The following HDAC11 variants were observed in gnomAD, a reference collection of about 807,000 sequenced individuals.
HDAC11 encodes the protein histone deacetylase 11.
A neutral mutation model predicts 41.1 loss-of-function variants in HDAC11; 23 were observed. The ratio of observed to expected loss-of-function variants is 0.56; its 90% CI spans 0.40 to 0.79. The LOEUF is 0.79. Ranked by LOEUF, HDAC11 falls within the 30% of genes least tolerant of loss-of-function variation. HDAC11 has a pLI of 0.00. For synonymous variants in HDAC11, 187 were observed against 186.6 expected, an observed-to-expected ratio of 1.00 and a Z score of -0.02; for missense variants, 402 against 477.3, an observed-to-expected ratio of 0.84 and a Z score of 1.47.
chr3:13,497,924 T>C (rs906485993), intron 4 of HDAC11, among the ~76,000 whole-genome samples: 40 of 144,430 alleles, frequency 2.8e-4, no homozygotes, highest in Admixed American at 1.5e-3. Context: ...GGTGTGACCT[T>C]GGCTCACTGC....
intron 8 of HDAC11, among the ~76,000 whole-genome samples, chr3:13,503,808 T>C (rs1451559206): frequency 6.6e-6 from 1 of 152,030 alleles, no homozygotes; most frequent in Non-Finnish European, 1.5e-5. Flanking sequence ...CAGGGCAGGG[T>C]GTCCATGTGT....
chr3:13,504,450 C>T lies in HDAC11; in HGVS notation c.829-18C>T, dbSNP rs756478604. 7.4e-6 allele frequency: 12 copies of T among 1,612,322 alleles called. No individual in the cohort carries two copies. In the African/African-American group the frequency reaches 8.0e-5, roughly 11 times the overall value. The stretch of plus-strand genomic sequence containing the variant: ...GGGGGTCTGGCCTGCCTGAGTCACC[C>T]TCCTCTTCCCCTAACAGGGCATCGT... On this transcript the variant is annotated intron_variant, in intron 9 of 9. Coordinates refer to ENST00000295757, the MANE Select transcript of HDAC11 (RefSeq NM_024827.4).
intron 3 of HDAC11, among the ~76,000 whole-genome samples, chr3:13,490,249 C>T (rs1440608406): frequency 6.6e-6 from 1 of 152,148 alleles, no homozygotes; most frequent in East Asian, 1.9e-4. Flanking sequence ...GCCTCTGCCT[C>T]CCAAAGTGCT....
intron 3 of HDAC11, among the ~76,000 whole-genome samples, chr3:13,486,505 C>T (rs1161411405): frequency 2.7e-5 from 4 of 149,656 alleles, no homozygotes; most frequent in Admixed American, 6.7e-5. Flanking sequence ...TCAGGGAGGG[C>T]CTCACAGAGG....
At chr3:13,486,570 T>G (rs868809032) in intron 3 of HDAC11, among the ~76,000 whole-genome samples, 1,260 of 107,050 alleles carry the variant, frequency 0.012, 21 homozygotes, top group African/African-American at 0.047. Flanking sequence ...CATGTAGAGG[T>G]GTTTTTTTTT....
At chr3:13,483,086 A>T (rs1211104322) in intron 2 of HDAC11, among the ~76,000 whole-genome samples, 1 of 151,222 alleles carries the variant, frequency 6.6e-6, no homozygotes, top group African/African-American at 2.4e-5. Context: ...AAAAAAAAAA[A>T]AAGGGCGGGG....
chr3:13,502,199 C>G lies in HDAC11; in HGVS notation c.552+266C>G, dbSNP rs1024374808. The G allele has an allele frequency of 2.0e-5, 10 of 505,636 alleles. No homozygotes were observed. Among genetic ancestry groups the G allele is most frequent in the Admixed American group, 3.4e-5 (1 of 29,498 alleles). The allele number at this position is 505,636 out of a possible 1,614,324, so 31.3% of individuals were successfully genotyped here. ...TGAAGCCCACTCTGATGGGACTGCT[C>G]TCGTGTGCAGAGCTCTGCTGTGGGT... On this transcript the variant is annotated intron_variant, in intron 7 of 9. Coordinates refer to ENST00000295757, the MANE Select transcript of HDAC11 (RefSeq NM_024827.4). The surrounding 1 kb of genome is among the most constrained non-coding windows in gnomAD (Gnocchi z 4.1).
At chr3:13,487,715 T>A in intron 3 of HDAC11, among the ~76,000 whole-genome samples, 1 of 152,108 alleles carries the variant, frequency 6.6e-6, no homozygotes, top group Admixed American at 6.6e-5. Flanking sequence ...AACACGTGGA[T>A]CCAGCAAGTG....
intron 3 of HDAC11, among the ~76,000 whole-genome samples, chr3:13,485,233 C>T (rs571634101): frequency 6.6e-6 from 1 of 152,350 alleles, no homozygotes; most frequent in Non-Finnish European, 1.5e-5. Flanking sequence ...GATAGGGCCA[C>T]GACAGTGTGA....
intron 3 of HDAC11, among the ~76,000 whole-genome samples, chr3:13,484,506 A>T (rs574972944): frequency 6.6e-6 from 1 of 151,858 alleles, no homozygotes; most frequent in Non-Finnish European, 1.5e-5. Context: ...GAAGCCAGGA[A>T]TCCAGATTAT....
At chr3:13,482,291 G>A (rs1701358058) in intron 2 of HDAC11, among the ~76,000 whole-genome samples, 1 of 152,176 alleles carries the variant, frequency 6.6e-6, no homozygotes, top group Non-Finnish European at 1.5e-5. Context: ...CATCAAAATG[G>A]GAAAAGGCAG....
At chr3:13,500,650 G>A in intron 5 of HDAC11, 63 bp from the exon 6 acceptor site, 1 of 1,317,914 alleles carries the variant, frequency 7.6e-7, no homozygotes, top group Non-Finnish European at 1.1e-6. Flanking sequence ...AAGGGATGGA[G>A]GAGCTCCTGG....
chr3:13,503,464 TG>T (rs1384490464), intron 8 of HDAC11, among the ~76,000 whole-genome samples: 3 of 152,206 alleles, frequency 2.0e-5, no homozygotes, highest in African/African-American at 7.2e-5. Context: ...CTCGGGAGGC[TG>T]AGACAGGAGA....
Position 13,502,013 on chromosome 3 carries a change from C to G in HDAC11, c.552+80C>G, listed in dbSNP as rs1702390556. ...AATCTTCCCGGGGCAGGAGAGTCTC[C>G]CTCCTCATGTCCCCACGGCTCTCAC... On this transcript the variant is annotated intron_variant, in intron 7 of 9. Transcript: ENST00000295757. This position sits in a 1 kb window ranked among gnomAD's most constrained non-coding sequence, Gnocchi z 4.1. The G allele has an allele frequency of 8.7e-7, 1 of 1,155,770 alleles. No homozygotes were observed. Among genetic ancestry groups the G allele is most frequent in the African/African-American group, 1.5e-5 (1 of 66,058 alleles). 71.6% of individuals were successfully genotyped at this position (1,155,770 alleles called of 1,614,324 possible).
Position 13,504,574 on chromosome 3 carries a change from T to C in HDAC11, c.935T>C (p.Ile312Thr), listed in dbSNP as rs1287190267. ...TACCAGAAGCGCACAGCCCGCATCA[T>C]TGCTGACTCCATACTTAATCTGTTT... ...GGYQKRTARI[I>T]ADSILNLFGL... is the part of the protein sequence containing the mutation. The change falls in exon 10 of 10, where the codon ATT becomes ACT. Residue 312 changes from isoleucine (I) to threonine (T), a missense_variant. Ile to Thr is a moderately conservative substitution (Grantham distance 89). Transcript: ENST00000295757. 2 of 1,613,764 alleles carry C rather than the reference T, an allele frequency of 1.2e-6. No homozygotes were observed. Among genetic ancestry groups the C allele is most frequent in the Non-Finnish European group, 1.7e-6 (2 of 1,180,020 alleles).
intron 3 of HDAC11, among the ~76,000 whole-genome samples, chr3:13,493,256 C>G (rs116620989): frequency 0.015 from 2,302 of 152,246 alleles, 47 homozygotes; most frequent in African/African-American, 0.052. Context: ...GTGCCCTGAG[C>G]TCCTCCTACC....
In HDAC11 at chr3:13,496,863, T is replaced by TGGGGGGG; in HGVS notation, c.369+12_369+18dup. The TGGGGGGG allele has an allele frequency of 9.3e-7, 1 of 1,080,076 alleles. No individual in the cohort carries two copies. The highest frequency in any genetic ancestry group is 1.4e-6 in the Non-Finnish European group (1 of 736,208). The allele number at this position is 1,080,076 out of a possible 1,614,324, so 66.9% of individuals were successfully genotyped here. A position where few individuals can be genotyped will look rare whatever the true frequency, so the allele number is the denominator to read the frequency against. Reference sequence around the variant, plus strand: ...GGAGGAACCATAATGGTAGGTGGGGTGGGGGGGCATGGCTGGGCTGGGGGC... The same window carrying TGGGGGGG: ...GGAGGAACCATAATGGTAGGTGGGGTGGGGGGGGGGGGGGCATGGCTGGGCTGGGGGC... On this transcript the variant is annotated intron_variant, in intron 4 of 9. Coordinates refer to ENST00000295757, the MANE Select transcript of HDAC11 (RefSeq NM_024827.4).
intron 3 of HDAC11, among the ~76,000 whole-genome samples, chr3:13,486,039 G>A (rs1701547373): frequency 3.9e-5 from 6 of 152,022 alleles, no homozygotes; most frequent in Admixed American, 3.3e-4. Flanking sequence ...AGAACGAGGC[G>A]GGCGGATCAC....
chr3:13,502,528 C>T lies in HDAC11; in HGVS notation c.553-356C>T, dbSNP rs557686512. ...GTTGGGGCCCTGCCTTGGGTTCTTG[C>T]GACCCCGAACTCCTGAGCCAGGTCA... On this transcript the variant is annotated intron_variant, in intron 7 of 9. Coordinates refer to ENST00000295757, the MANE Select transcript of HDAC11 (RefSeq NM_024827.4). This position sits in a 1 kb window ranked among gnomAD's most constrained non-coding sequence, Gnocchi z 4.1. The T allele has an allele frequency of 5.1e-5, 11 of 217,024 alleles. No individual in the cohort carries two copies. In the South Asian group the frequency reaches 5.9e-4, roughly 12 times the overall value. 13.4% of individuals were successfully genotyped at this position (217,024 alleles called of 1,614,324 possible). A position where few individuals can be genotyped will look rare whatever the true frequency, so the allele number is the denominator to read the frequency against.
Sources: gnomAD v4.1 joint callset for allele counts (sites outside exome capture counted in the v4.1 genomes callset) on GRCh38, gnomAD v4.1.1 for gene constraint, Gnocchi (gnomAD v3.1) non-coding constraint, MANE v1.5 for transcripts, NCBI Gene and HGNC (gene_info 2026-07-23, HGNC 2026-07-21) for gene names.